Variants in FAM135B observed in about 807,000 individuals in gnomAD.
The protein encoded by FAM135B is family with sequence similarity 135 member B.
In FAM135B, 43 loss-of-function variants were observed where a neutral mutation model predicts 127.7. The observed-to-expected ratio is 0.34, with a 90% CI of 0.26 to 0.43. The LOEUF (loss-of-function observed/expected upper bound fraction) is 0.43. Among genes scored for constraint, FAM135B ranks in the 20% least tolerant of loss-of-function variants. The pLI is 1.00. For missense variants in FAM135B, 1,558 were observed against 1,725.6 expected (o/e 0.90, Z 1.72); for synonymous variants, 670 against 665.1 (o/e 1.01, Z -0.11).
At position 138,148,474 on chromosome 8, in the gene FAM135B, T is replaced by A. The variant is rs778593903; in HGVS notation, c.3448+46A>T. Reference sequence around the variant, plus strand: ...AAATTAATACATAAATATTATAAGTTGTATATATGACAGAATTTGGGAAGA... The same window carrying A: ...AAATTAATACATAAATATTATAAGTAGTATATATGACAGAATTTGGGAAGA... On this transcript the variant is annotated intron_variant, in intron 14 of 19. Transcript: ENST00000395297. The A allele has an allele frequency of 1.1e-5, 16 of 1,484,734 alleles. No individual in the cohort carries two copies. The East Asian group carries it at 3.6e-4, about 34-fold the overall frequency. 92.0% of individuals were successfully genotyped at this position (1,484,734 alleles called of 1,614,324 possible). A position where few individuals can be genotyped will look rare whatever the true frequency, so the allele number is the denominator to read the frequency against.
Position 138,309,009 on chromosome 8 carries a change from C to G in FAM135B, c.157+1832G>C, listed in dbSNP as rs1454086521. 6.6e-6 allele frequency: 3 copies of G among 455,042 alleles called. No homozygotes were observed. The Admixed American group carries it at 7.1e-5, about 11-fold the overall frequency. The allele number at this position is 455,042 out of a possible 1,614,324, so 28.2% of individuals were successfully genotyped here. On this transcript the variant is annotated intron_variant, in intron 3 of 19. Coordinates refer to ENST00000395297, the MANE Select transcript of FAM135B (RefSeq NM_015912.4). Reference sequence around the variant, plus strand: ...TACTTACCTTGTGCTGGTTCTTGTTCTGACATATGTATATTTAGAACCTCT... The same window carrying G: ...TACTTACCTTGTGCTGGTTCTTGTTGTGACATATGTATATTTAGAACCTCT...
chr8:138,328,660 C>T (rs527458530), intron 2 of FAM135B, among the ~76,000 whole-genome samples: 1 of 152,272 alleles, frequency 6.6e-6, no homozygotes, highest in African/African-American at 2.4e-5. Context: ...ACCGAGCTAC[C>T]TTTCACCAGA....
In FAM135B at chr8:138,402,948, A is replaced by G. The variant is rs150734901; in HGVS notation, c.-19-34946T>C. Among the ~76,000 whole-genome samples the G allele has an allele frequency of 9.0e-3, 1,369 of 152,240 alleles. 26 individuals carry two copies. Among genetic ancestry groups the G allele is most frequent in the African/African-American group, 0.03 (1,236 of 41,544 alleles). On this transcript the variant is annotated intron_variant, in intron 1 of 19. Coordinates refer to ENST00000395297, the MANE Select transcript of FAM135B (RefSeq NM_015912.4). ...GATGAGTGACCTTACAAGAAGAGAC[A>G]TGAAAGAGATGATCTTTCTCTCTGC...
At chr8:138,287,508 T>C (rs1316402136) in intron 3 of FAM135B, among the ~76,000 whole-genome samples, 1 of 151,594 alleles carries the variant, frequency 6.6e-6, no homozygotes, top group East Asian at 1.9e-4. Flanking sequence ...TGTGGCTGCT[T>C]GGTATCTCCC....
intron 9 of FAM135B, among the ~76,000 whole-genome samples, chr8:138,188,116 C>T (rs1277907634): frequency 2.0e-5 from 3 of 152,218 alleles, no homozygotes; most frequent in Non-Finnish European, 2.9e-5. Context: ...GAGGTCTCTG[C>T]ACTTGGGTTC....
At chr8:138,275,615 A>G (rs1823761266) in intron 3 of FAM135B, among the ~76,000 whole-genome samples, 1 of 152,096 alleles carries the variant, frequency 6.6e-6, no homozygotes, top group Admixed American at 6.6e-5. Context: ...AGATCTCTTG[A>G]GCCCAGGAAT....
rs2130382899 is a variant in FAM135B at position 138,242,972 on chromosome 8, T to A, written c.639A>T (p.Gly213=). 1 of 1,613,838 alleles carries A rather than the reference T, an allele frequency of 6.2e-7. No individual in the cohort carries two copies. The highest frequency in any genetic ancestry group is 8.5e-7 in the Non-Finnish European group (1 of 1,179,884). The change falls in exon 7 of 20, where the codon GGA becomes GGT. Residue 213 remains glycine, a synonymous_variant. Transcript: ENST00000395297. This position sits in a 1 kb window ranked among gnomAD's most constrained non-coding sequence, Gnocchi z 9.6. ...AGGAAGTCGGCTTGCAGTACCCAGC[T>A]CCAAAGACCAAGTTTTCCAGAGAAA... ...SIISLENLVF[G]AGYCKPTSSE... is the part of the protein sequence containing the mutation.
At chr8:138,179,266 C>T (rs947143334) in intron 9 of FAM135B, among the ~76,000 whole-genome samples, 6 of 152,178 alleles carry the variant, frequency 3.9e-5, no homozygotes, top group African/African-American at 1.4e-4. Context: ...TCAAGGTACC[C>T]CAGATCCATC....
intron 2 of FAM135B, among the ~76,000 whole-genome samples, chr8:138,341,696 T>C (rs929965579): frequency 6.6e-6 from 1 of 152,166 alleles, no homozygotes; most frequent in African/African-American, 2.4e-5. Flanking sequence ...GTCTCTCTAC[T>C]GTAAGCCTCT....
rs1820105027 is a variant in FAM135B at position 138,168,064 on chromosome 8, G to A, written c.1104-15C>T. The stretch of plus-strand genomic sequence containing the variant: ...GCGTCTGTATCCTGGGGAGCACATG[G>A]CAGGGTGAGCGTCCAGGGAAGAGTC... On this transcript the variant is annotated splice_polypyrimidine_tract_variant and intron_variant, in intron 11 of 19. Transcript: ENST00000395297. 2 of 1,604,344 alleles carry A rather than the reference G, an allele frequency of 1.2e-6. No homozygotes were observed. Among genetic ancestry groups the A allele is most frequent in the South Asian group, 1.1e-5 (1 of 89,566 alleles).
intron 2 of FAM135B, among the ~76,000 whole-genome samples, chr8:138,315,118 GTAATAA>G (rs149060946): frequency 6.6e-6 from 1 of 151,634 alleles, no homozygotes; most frequent in Admixed American, 6.6e-5. Context: ...CTCAATAGCA[GTAATAA>G]TAATAATAAT....
intron 7 of FAM135B, 148 bp from the exon 8 acceptor site, chr8:138,197,817 G>T: frequency 2.6e-6 from 2 of 766,044 alleles, no homozygotes; most frequent in Non-Finnish European, 2.0e-6. Context: ...AGTAAAACTG[G>T]AACATGGTTG....
At position 138,132,136 on chromosome 8, in the gene FAM135B, T is replaced by C. The variant is rs1816264413; in HGVS notation, c.*457A>G. On this transcript the variant is annotated 3_prime_UTR_variant, in exon 20 of 20. Transcript: ENST00000395297. The surrounding 1 kb of genome is among the most constrained non-coding windows in gnomAD (Gnocchi z 4.5). ...ATTTGAATCTATTGAGGATTCTATT[T>C]ACACAAATATGTTCCACTGCTGCAC... 6.2e-6 allele frequency: 1 copy of C among 162,126 alleles called. No individual in the cohort carries two copies. Among genetic ancestry groups the C allele is most frequent in the African/African-American group, 2.4e-5 (1 of 41,582 alleles). The allele number at this position is 162,126 out of a possible 1,614,324, so 10.0% of individuals were successfully genotyped here. A position where few individuals can be genotyped will look rare whatever the true frequency, so the allele number is the denominator to read the frequency against.
In FAM135B at chr8:138,367,960, A is replaced by T. The variant is rs2131217331; in HGVS notation, c.24T>A (p.Val8=). ...ATTTATGTAGCTCTACCGAAAACTC[A>T]ACCGTTCCTTGTATTTCAGACATGA... MSEIQGT[V]EFSVELHKFY... The change falls in exon 2 of 20, where the codon GTT becomes GTA. Residue 8 remains valine (V), a synonymous_variant. Transcript: ENST00000395297. The T allele has an allele frequency of 2.5e-6, 4 of 1,613,706 alleles. No homozygotes were observed. Among genetic ancestry groups the T allele is most frequent in the Non-Finnish European group, 3.4e-6 (4 of 1,179,794 alleles).
intron 3 of FAM135B, among the ~76,000 whole-genome samples, chr8:138,310,383 T>C (rs1444233329): frequency 6.6e-6 from 1 of 152,186 alleles, no homozygotes; most frequent in African/African-American, 2.4e-5. Flanking sequence ...GGATCTGAGT[T>C]GTCCTTGGCA....
chr8:138,395,972 A>G (rs1400012182), intron 1 of FAM135B, among the ~76,000 whole-genome samples: 1 of 152,044 alleles, frequency 6.6e-6, no homozygotes, highest in African/African-American at 2.4e-5. Flanking sequence ...TATCTTACAA[A>G]CAGGAGTCTG....
chr8:138,354,523 T>C (rs1829968353), intron 2 of FAM135B, among the ~76,000 whole-genome samples: 1 of 152,166 alleles, frequency 6.6e-6, no homozygotes, highest in Non-Finnish European at 1.5e-5. Context: ...GAGTTCTCTG[T>C]CCTCCATCAA....
intron 1 of FAM135B, among the ~76,000 whole-genome samples, chr8:138,475,520 T>C (rs1587542209): frequency 6.6e-6 from 1 of 152,290 alleles, no homozygotes; most frequent in South Asian, 2.1e-4. Flanking sequence ...ATCTACCATC[T>C]TGTCATCCAA....
Position 138,265,753 on chromosome 8 carries a change from T to G in FAM135B, c.247A>C (p.Ile83Leu). ...ACTCGGAAGACCACAGCATCATTTA[T>G]GGGTACCTCTTCATTCCGGTATAAG... ...QILYRNEEVP[I>L]NDAVVFRVHL... is the part of the protein sequence containing the mutation. Residue 83 changes from isoleucine (I) to leucine (L), a missense_variant, in exon 4 of 20, where the codon ATA (isoleucine) becomes CTA (leucine). This residue lies in a region of FAM135B where 199 missense variants were observed against 245.7 expected (regional missense o/e 0.81). Transcript: ENST00000395297. 6.2e-7 allele frequency: 1 copy of G among 1,614,114 alleles called. No individual in the cohort carries two copies. The highest frequency in any genetic ancestry group is 1.1e-5 in the South Asian group (1 of 91,070).
Sources: allele counts gnomAD v4.1 joint callset (sites outside exome capture counted in the v4.1 genomes callset), GRCh38; gene constraint gnomAD v4.1.1; regional missense constraint gnomAD v4.1.1; non-coding constraint Gnocchi (gnomAD v3.1); transcripts MANE v1.5; gene names NCBI Gene and HGNC (gene_info 2026-07-23, HGNC 2026-07-21).